The following FRMPD4 variants were observed in gnomAD, a reference collection of about 807,000 sequenced individuals.
The protein encoded by FRMPD4 is FERM and PDZ domain-containing protein 4.
A neutral mutation model predicts 94.1 loss-of-function variants in FRMPD4; 22 were observed. That is an observed-to-expected ratio of 0.23 (90% CI 0.17 to 0.33). The LOEUF is 0.33. Ranked by LOEUF, FRMPD4 falls within the 10% of genes least tolerant of loss-of-function variation. The pLI is 1.00. For missense variants in FRMPD4, 1,111 were observed against 1,339.9 expected (o/e 0.83, Z 2.67); for synonymous variants, 631 against 548.6 (o/e 1.15, Z -2.10).
chrX:12,331,801 TTA>T (rs1168799952), intron 1 of FRMPD4, among the ~76,000 whole-genome samples: 10 of 36,468 alleles, frequency 2.7e-4, no homozygotes, highest in Non-Finnish European at 4.2e-4. Flanking sequence ...TGTATATAAA[TTA>T]TATATATTTA....
chrX:12,584,635 G>GA (rs1426035341), intron 2 of FRMPD4, among the ~76,000 whole-genome samples: 1 of 112,220 alleles, frequency 8.9e-6, no homozygotes, highest in Admixed American at 9.4e-5. Context: ...CCAATAATGG[G>GA]AAAAATGGAC....
intron 3 of FRMPD4, among the ~76,000 whole-genome samples, chrX:12,061,974 A>G (rs1322283732): frequency 1.8e-5 from 2 of 112,132 alleles, no homozygotes; most frequent in African/African-American, 6.5e-5. Flanking sequence ...ATCTGAATGC[A>G]TTTAGAAGAC....
chrX:12,316,271 C>T (rs751809176), intron 1 of FRMPD4, among the ~76,000 whole-genome samples: 5 of 110,928 alleles, frequency 4.5e-5, no homozygotes, highest in Admixed American at 2.9e-4. Flanking sequence ...CTCAGCCTCC[C>T]GAGTAGCTGG....
intron 3 of FRMPD4, among the ~76,000 whole-genome samples, chrX:12,110,716 G>T (rs1308825530): frequency 1.8e-5 from 2 of 111,784 alleles, no homozygotes; most frequent in Non-Finnish European, 3.8e-5. Flanking sequence ...AGCAACCTCA[G>T]CAAAGTCTCA....
At chrX:12,671,949 T>G (rs1323681787) in intron 4 of FRMPD4, among the ~76,000 whole-genome samples, 1 of 111,692 alleles carries the variant, frequency 9.0e-6, no homozygotes, top group East Asian at 2.8e-4. Context: ...TGTACACTTG[T>G]AATCACAATT....
intron 1 of FRMPD4, among the ~76,000 whole-genome samples, chrX:12,346,259 GGAT>G (rs1368300723): frequency 9.6e-6 from 1 of 104,390 alleles, no homozygotes; most frequent in East Asian, 2.9e-4. Flanking sequence ...AGGTTTCTTG[GGAT>G]GATAGTGTTT....
intron 3 of FRMPD4, among the ~76,000 whole-genome samples, chrX:11,904,342 C>A (rs757769358): frequency 9.0e-4 from 100 of 111,719 alleles, no homozygotes; most frequent in African/African-American, 3.1e-3. Flanking sequence ...TCAAAAAAAT[C>A]AAGGAGAGAC....
chrX:12,120,359 T>C (rs959065018), intron 3 of FRMPD4, among the ~76,000 whole-genome samples: 5 of 112,384 alleles, frequency 4.4e-5, no homozygotes, highest in African/African-American at 1.6e-4. Context: ...TTTCTAGTTA[T>C]TGCGTCACAA....
At chrX:12,164,346 C>T (rs1187658662) in intron 1 of FRMPD4, among the ~76,000 whole-genome samples, 1 of 111,572 alleles carries the variant, frequency 9.0e-6, no homozygotes, top group Non-Finnish European at 1.9e-5. Context: ...TGGTTTCCAG[C>T]TTCATCCATG....
At position 12,717,086 on chromosome X, in the gene FRMPD4, T is replaced by C. The variant is rs1432366566; in HGVS notation, c.2627T>C (p.Leu876Pro). The change falls in exon 15 of 17, where the codon CTA (leucine) becomes CCA (proline). Residue 876 changes from leucine to proline, a missense_variant. This residue lies in a region of FRMPD4 where 74 missense variants were observed against 93.9 expected (regional missense o/e 0.79). Transcript: ENST00000675598. ...DNAVVSTLGA[L>P]EALSVSEEQQ... is the part of the protein sequence containing the mutation. ...GCCGTCGTCTCCACGCTGGGAGCTCTAGAGGCTCTATCCGTGTCAGAAGAA... is the reference window on the plus strand; with the variant it reads ...GCCGTCGTCTCCACGCTGGGAGCTCCAGAGGCTCTATCCGTGTCAGAAGAA... The C allele has an allele frequency of 8.3e-7, 1 of 1,197,955 alleles. No homozygotes were observed. The highest frequency in any genetic ancestry group is 1.1e-6 in the Non-Finnish European group (1 of 886,408).
chrX:11,840,832 G>A (rs1452657939), intron 1 of FRMPD4, among the ~76,000 whole-genome samples: 1 of 106,791 alleles, frequency 9.4e-6, no homozygotes, highest in African/African-American at 3.4e-5. Flanking sequence ...CCTTGCTGGT[G>A]TGCTGCACCC....
At chrX:12,267,628 T>C (rs1411136260) in intron 1 of FRMPD4, among the ~76,000 whole-genome samples, 1 of 112,672 alleles carries the variant, frequency 8.9e-6, no homozygotes, top group Non-Finnish European at 1.9e-5. Flanking sequence ...TATTTTGGAG[T>C]CTACCATAGC....
At chrX:12,094,975 C>A (rs905069967) in intron 3 of FRMPD4, among the ~76,000 whole-genome samples, 4 of 111,904 alleles carry the variant, frequency 3.6e-5, no homozygotes, top group African/African-American at 9.8e-5. Context: ...GAATTGGAAG[C>A]AAACTCCATC....
At chrX:11,843,553 T>G (rs2053553037) in intron 1 of FRMPD4, among the ~76,000 whole-genome samples, 1 of 111,207 alleles carries the variant, frequency 9.0e-6, no homozygotes, top group Non-Finnish European at 1.9e-5. Flanking sequence ...CCTTCTTTCC[T>G]TTCTTTTCTT....
At chrX:11,949,951 T>C (rs916680639) in intron 3 of FRMPD4, among the ~76,000 whole-genome samples, 2 of 112,398 alleles carry the variant, frequency 1.8e-5, no homozygotes, top group Non-Finnish European at 3.8e-5. Context: ...TACATATACA[T>C]AGTGAAATAA....
At chrX:12,450,518 T>C (rs1176050981) in intron 1 of FRMPD4, among the ~76,000 whole-genome samples, 4 of 111,743 alleles carry the variant, frequency 3.6e-5, no homozygotes, top group African/African-American at 1.3e-4. Context: ...ATATGATTTC[T>C]CAGCATAAAG....
intron 1 of FRMPD4, among the ~76,000 whole-genome samples, chrX:12,380,546 T>C (rs754578611): frequency 8.9e-6 from 1 of 112,254 alleles, no homozygotes; most frequent in African/African-American, 3.2e-5. Flanking sequence ...GTTTCTGTCA[T>C]GGGAACTATT....
chrX:12,660,981 G>A (rs1351409980), intron 4 of FRMPD4, among the ~76,000 whole-genome samples: 2 of 112,324 alleles, frequency 1.8e-5, no homozygotes, highest in Non-Finnish European at 3.8e-5. Context: ...TATATGACAT[G>A]GTGGTCACAG....
In FRMPD4 at chrX:11,849,846, A is replaced by G. The variant is rs752173095; in HGVS notation, c.-160-15240A>G. On this transcript the variant is annotated intron_variant, in intron 1 of 18. Transcript: ENST00000640291. Reference sequence around the variant, plus strand: ...ACTCTTTGAAGCAAACATAGGAGAAAAACTTCATGACTTTGGATTTGGCAA... The same window carrying G: ...ACTCTTTGAAGCAAACATAGGAGAAGAACTTCATGACTTTGGATTTGGCAA... Among the ~76,000 whole-genome samples the G allele has an allele frequency of 2.7e-5, 3 of 111,614 alleles. No individual in the cohort carries two copies. The South Asian group carries it at 1.1e-3, about 42-fold the overall frequency.
Sources: gnomAD v4.1 joint callset for allele counts (sites outside exome capture counted in the v4.1 genomes callset) on GRCh38, gnomAD v4.1.1 for gene constraint, gnomAD v4.1.1 regional missense constraint, MANE v1.5 for transcripts, NCBI Gene and HGNC (gene_info 2026-07-23, HGNC 2026-07-21) for gene names.